TLL2: variants seen among roughly 807,000 people sequenced by gnomAD.
TLL2 encodes tolloid like 2, also known as tolloid-like protein 2.
A neutral mutation model predicts 123.0 loss-of-function variants in TLL2; 106 were observed. The observed-to-expected ratio is 0.86, with a 90% CI of 0.74 to 1.01. TLL2 has a LOEUF of 1.01. Among genes scored for constraint, TLL2 ranks in the 50% least tolerant of loss-of-function variants. The pLI is 0.00. For synonymous variants in TLL2, 494 were observed against 516.8 expected, an observed-to-expected ratio of 0.96 and a Z score of 0.60; for missense variants, 1,332 against 1,336.7, an observed-to-expected ratio of 1.00 and a Z score of 0.06.
intron 8 of TLL2, among the ~76,000 whole-genome samples, chr10:96,412,343 G>A (rs373837240): frequency 6.6e-6 from 1 of 152,320 alleles, no homozygotes; most frequent in South Asian, 2.1e-4. Context: ...TGGTTTGGAA[G>A]TCTGGGAAAG....
At chr10:96,378,941 C>T (rs373090210) in intron 17 of TLL2, 26 bp downstream of exon 17, 9 of 1,612,460 alleles carry the variant, frequency 5.6e-6, no homozygotes, top group Non-Finnish European at 5.1e-6. Context: ...AGCCCGCCCC[C>T]CCAACAACTG....
At chr10:96,380,571 T>C (rs1266886885) in intron 16 of TLL2, among the ~76,000 whole-genome samples, 1 of 151,710 alleles carries the variant, frequency 6.6e-6, no homozygotes, top group Non-Finnish European at 1.5e-5. Context: ...CGGGCGCCTG[T>C]AGTCCCAGCT....
chr10:96,426,604 G>A (rs2134078052), intron 5 of TLL2, among the ~76,000 whole-genome samples: 1 of 152,246 alleles, frequency 6.6e-6, no homozygotes, highest in African/African-American at 2.4e-5. Flanking sequence ...GTCTGTACCA[G>A]TACTTTATTT....
chr10:96,454,747 A>G (rs1846995041), intron 2 of TLL2, among the ~76,000 whole-genome samples: 1 of 152,196 alleles, frequency 6.6e-6, no homozygotes, highest in Non-Finnish European at 1.5e-5. Context: ...GCAGAAAACA[A>G]TGCCTGGCCT....
chr10:96,446,942 G>A (rs1022730594), intron 2 of TLL2, among the ~76,000 whole-genome samples: 3 of 152,214 alleles, frequency 2.0e-5, no homozygotes, highest in Non-Finnish European at 4.4e-5. Flanking sequence ...TGGAAAGCTG[G>A]ACCATAAACC....
At chr10:96,434,934 C>G (rs1413250549) in intron 3 of TLL2, among the ~76,000 whole-genome samples, 1 of 151,898 alleles carries the variant, frequency 6.6e-6, no homozygotes, top group African/African-American at 2.4e-5. Context: ...TCCCCAATGA[C>G]TAATGATGTT....
intron 3 of TLL2, among the ~76,000 whole-genome samples, chr10:96,442,602 C>T (rs141607153): frequency 5.3e-5 from 8 of 152,300 alleles, no homozygotes; most frequent in South Asian, 2.1e-4. Context: ...ATTCCTTATC[C>T]GCTTCGAACA....
At chr10:96,476,240 A>ATATATATATATATTCTTTTTTT in intron 2 of TLL2, among the ~76,000 whole-genome samples, 6 of 20,490 alleles carry the variant, frequency 2.9e-4, no homozygotes, top group Admixed American at 5.2e-4. Context: ...ATATATATAT[A>ATATATATATATATTCTTTTTTT]TTTTATTTTT....
intron 2 of TLL2, among the ~76,000 whole-genome samples, chr10:96,462,832 A>T (rs752835940): frequency 6.6e-6 from 1 of 152,220 alleles, no homozygotes; most frequent in Non-Finnish European, 1.5e-5. Flanking sequence ...GCACTTCAGC[A>T]CTATACTTGG....
chr10:96,415,417 A>G (rs1795167869), intron 7 of TLL2, among the ~76,000 whole-genome samples: 1 of 152,024 alleles, frequency 6.6e-6, no homozygotes, highest in African/African-American at 2.4e-5. Flanking sequence ...TCTGGAGTTT[A>G]TCATTCCCTG....
chr10:96,416,023 AT>A (rs1165466996), intron 7 of TLL2, among the ~76,000 whole-genome samples: 2 of 151,662 alleles, frequency 1.3e-5, no homozygotes, highest in African/African-American at 4.9e-5. Flanking sequence ...CCATAGCCTC[AT>A]TTTTGAGTCT....
At chr10:96,395,536 A>C (rs544533748) in intron 12 of TLL2, among the ~76,000 whole-genome samples, 154 bp from the exon 13 acceptor site, 1 of 152,218 alleles carries the variant, frequency 6.6e-6, no homozygotes, top group Admixed American at 6.5e-5. Flanking sequence ...TTCCTAGTTC[A>C]CTCCTTACTT....
intron 6 of TLL2, among the ~76,000 whole-genome samples, chr10:96,422,313 T>C (rs934616541): frequency 1.3e-5 from 2 of 151,758 alleles, no homozygotes; most frequent in African/African-American, 2.4e-5. Flanking sequence ...CTTTAAAACA[T>C]GGAAAATCAT....
intron 9 of TLL2, among the ~76,000 whole-genome samples, chr10:96,408,794 A>G (rs1421488044): frequency 6.6e-6 from 1 of 152,210 alleles, no homozygotes; most frequent in East Asian, 1.9e-4. Context: ...GTAATAATAT[A>G]AGATGACAGT....
chr10:96,369,055 CT>C (rs1236589440), intron 20 of TLL2, among the ~76,000 whole-genome samples: 2 of 152,234 alleles, frequency 1.3e-5, no homozygotes, highest in Admixed American at 6.5e-5. Context: ...ACAAGGACCA[CT>C]GGTGACTCAA....
At chr10:96,437,504 A>G (rs984389589) in intron 3 of TLL2, among the ~76,000 whole-genome samples, 4 of 152,146 alleles carry the variant, frequency 2.6e-5, no homozygotes, top group African/African-American at 7.2e-5. Flanking sequence ...TTTCAACACC[A>G]TAAGTATCCC....
chr10:96,418,946 G>A (rs1846593515), intron 7 of TLL2, among the ~76,000 whole-genome samples: 1 of 151,964 alleles, frequency 6.6e-6, no homozygotes, highest in Non-Finnish European at 1.5e-5. Context: ...TCTCCCTTGG[G>A]CCAACTTGAC....
intron 3 of TLL2, among the ~76,000 whole-genome samples, chr10:96,435,087 A>G (rs1846782797): frequency 6.9e-6 from 1 of 145,818 alleles, no homozygotes; most frequent in Non-Finnish European, 1.5e-5. Context: ...GCTGGAGTAC[A>G]GTGGCACGAT....
intron 8 of TLL2, 41 bp downstream of exon 8, chr10:96,413,151 A>G: frequency 6.2e-7 from 1 of 1,609,454 alleles, no homozygotes; most frequent in Non-Finnish European, 8.5e-7. Context: ...TGCTTTGGAG[A>G]TGCTAGGGAG....
Sources: allele counts gnomAD v4.1 joint callset (sites outside exome capture counted in the v4.1 genomes callset), GRCh38; gene constraint gnomAD v4.1.1; transcripts MANE v1.5; gene names NCBI Gene and HGNC (gene_info 2026-07-23, HGNC 2026-07-21).